TBC1D5: variants seen among roughly 807,000 people sequenced by gnomAD.
TBC1D5 encodes the protein TBC1 domain family, member 5.
In TBC1D5, 75 loss-of-function variants were observed where a neutral mutation model predicts 100.3. That is an observed-to-expected ratio of 0.75 (90% CI 0.62 to 0.91). The LOEUF (loss-of-function observed/expected upper bound fraction) is 0.91. Among genes scored for constraint, TBC1D5 ranks in the 40% least tolerant of loss-of-function variants. TBC1D5 has a pLI of 0.00. For synonymous variants in TBC1D5, 323 were observed against 325.6 expected, an observed-to-expected ratio of 0.99 and a Z score of 0.09; for missense variants, 910 against 942.4, an observed-to-expected ratio of 0.97 and a Z score of 0.45.
At chr3:17,566,528 C>A (rs2096594884) in intron 2 of TBC1D5, among the ~76,000 whole-genome samples, 1 of 151,828 alleles carries the variant, frequency 6.6e-6, no homozygotes, top group Admixed American at 6.6e-5. Context: ...CTATAAAACA[C>A]TGATCATCAA....
chr3:17,194,096 A>T (rs1379309050), intron 18 of TBC1D5, among the ~76,000 whole-genome samples: 2 of 152,240 alleles, frequency 1.3e-5, no homozygotes, highest in African/African-American at 4.8e-5. Flanking sequence ...CATTTCTAAC[A>T]ATCTCCCAGG....
At chr3:17,512,967 C>T (rs2095931271) in intron 2 of TBC1D5, among the ~76,000 whole-genome samples, 1 of 151,952 alleles carries the variant, frequency 6.6e-6, no homozygotes, top group South Asian at 2.1e-4. Flanking sequence ...AAAGGGTAAG[C>T]GTTCAGCACT....
chr3:17,230,306 A>C (rs1203333656), intron 17 of TBC1D5, among the ~76,000 whole-genome samples: 1 of 152,176 alleles, frequency 6.6e-6, no homozygotes. Context: ...TTGATGGTCC[A>C]GAGAGAAAGT....
At chr3:17,448,428 C>T (rs2094848697) in intron 3 of TBC1D5, among the ~76,000 whole-genome samples, 1 of 152,116 alleles carries the variant, frequency 6.6e-6, no homozygotes, top group African/African-American at 2.4e-5. Flanking sequence ...CAGAAGGTTC[C>T]AATGTATTTT....
At chr3:17,254,769 G>GGGT (rs1553636764) in intron 16 of TBC1D5, among the ~76,000 whole-genome samples, 7 of 104,052 alleles carry the variant, frequency 6.7e-5, no homozygotes, top group Non-Finnish European at 9.1e-5. Context: ...GCGGGGGTGG[G>GGGT]GGGGGGGTCC....
At chr3:17,187,150 C>T (rs979635372) in intron 18 of TBC1D5, among the ~76,000 whole-genome samples, 19 of 152,294 alleles carry the variant, frequency 1.2e-4, no homozygotes, top group African/African-American at 4.3e-4. Flanking sequence ...CCAAAGATGG[C>T]CACCATCAAT....
intron 1 of TBC1D5, among the ~76,000 whole-genome samples, chr3:17,671,781 A>G (rs2067974860): frequency 6.6e-6 from 1 of 152,114 alleles, no homozygotes; most frequent in Non-Finnish European, 1.5e-5. Flanking sequence ...TCTATTTTTG[A>G]TGTTAAGCTA....
At chr3:17,466,814 C>T (rs997450131) in intron 3 of TBC1D5, among the ~76,000 whole-genome samples, 5 of 151,424 alleles carry the variant, frequency 3.3e-5, no homozygotes, top group East Asian at 1.9e-4. Context: ...TTTTATCAAA[C>T]GTGACTCAAG....
At chr3:17,519,925 A>T (rs1461917308) in intron 2 of TBC1D5, among the ~76,000 whole-genome samples, 2 of 152,234 alleles carry the variant, frequency 1.3e-5, no homozygotes, top group Non-Finnish European at 2.9e-5. Context: ...CCAACACAGC[A>T]CTGATCCTCA....
intron 14 of TBC1D5, among the ~76,000 whole-genome samples, chr3:17,294,358 G>C (rs1045156672): frequency 6.6e-6 from 1 of 152,064 alleles, no homozygotes; most frequent in Admixed American, 6.6e-5. Context: ...TAGCTATTAC[G>C]GACTAGAGAA....
chr3:17,464,038 A>G (rs2095261630), intron 3 of TBC1D5, among the ~76,000 whole-genome samples: 1 of 130,366 alleles, frequency 7.7e-6, no homozygotes, highest in Admixed American at 9.9e-5. Flanking sequence ...CACAACCTCC[A>G]CCTCCCAGGT....
intron 2 of TBC1D5, among the ~76,000 whole-genome samples, chr3:17,535,652 A>C (rs2096274486): frequency 1.3e-5 from 2 of 152,196 alleles, no homozygotes; most frequent in Admixed American, 1.3e-4. Flanking sequence ...CAAAGATTAA[A>C]ATAAAAATCT....
intron 2 of TBC1D5, among the ~76,000 whole-genome samples, chr3:17,523,338 T>A (rs1044661299): frequency 2.0e-5 from 3 of 152,122 alleles, no homozygotes; most frequent in African/African-American, 7.2e-5. Context: ...AAGAAACATC[T>A]CCTGGGAGGT....
chr3:17,390,120 T>G (rs2093306976), intron 8 of TBC1D5, among the ~76,000 whole-genome samples: 1 of 152,178 alleles, frequency 6.6e-6, no homozygotes, highest in Admixed American at 6.5e-5. Flanking sequence ...AGAAGTAGTT[T>G]ATGACAACTA....
intron 3 of TBC1D5, among the ~76,000 whole-genome samples, chr3:17,453,709 C>CCTA (rs1480302433): frequency 6.6e-6 from 1 of 152,142 alleles, no homozygotes; most frequent in Non-Finnish European, 1.5e-5. Context: ...TAACACCAAT[C>CCTA]CTACTAAACT....
chr3:17,186,253 T>G (rs2069057223), intron 18 of TBC1D5, among the ~76,000 whole-genome samples: 1 of 152,112 alleles, frequency 6.6e-6, no homozygotes, highest in Non-Finnish European at 1.5e-5. Flanking sequence ...TCTTTGAGAA[T>G]GAGTATAATT....
chr3:17,438,183 A>G (rs983040700), intron 3 of TBC1D5, among the ~76,000 whole-genome samples: 1 of 152,220 alleles, frequency 6.6e-6, no homozygotes, highest in African/African-American at 2.4e-5. Context: ...ATTTTAGACA[A>G]TTACAAAACA....
intron 18 of TBC1D5, 55 bp downstream of exon 19, chr3:17,214,152 A>T (rs893196680): frequency 6.5e-7 from 1 of 1,547,428 alleles, no homozygotes; most frequent in South Asian, 1.3e-5. Flanking sequence ...TCATAAATGC[A>T]GCACTCTAGA....
chr3:17,342,375 T>A (rs2089117066), intron 13 of TBC1D5, among the ~76,000 whole-genome samples: 1 of 152,234 alleles, frequency 6.6e-6, no homozygotes, highest in African/African-American at 2.4e-5. Context: ...TTCTGACATA[T>A]GTCCACTCCA....
Sources: allele counts gnomAD v4.1 joint callset (sites outside exome capture counted in the v4.1 genomes callset), GRCh38; gene constraint gnomAD v4.1.1; transcripts MANE v1.5; gene names NCBI Gene and HGNC (gene_info 2026-07-23, HGNC 2026-07-21).